KCNU1: variants seen among roughly 807,000 people sequenced by gnomAD.
KCNU1 encodes the protein potassium channel subfamily U member 1.
In KCNU1, 93 loss-of-function variants were observed where a neutral mutation model predicts 126.8. That is an observed-to-expected ratio of 0.73 (90% CI 0.62 to 0.87). The LOEUF (loss-of-function observed/expected upper bound fraction) is 0.87. Ranked by LOEUF, KCNU1 falls within the 40% of genes least tolerant of loss-of-function variation. The pLI, the probability that KCNU1 is intolerant of heterozygous loss-of-function variation, is 0.00. For missense variants in KCNU1, 1,330 were observed against 1,367.1 expected (o/e 0.97, Z 0.43); for synonymous variants, 523 against 494.2 (o/e 1.06, Z -0.77).
rs1323776502 is a variant in KCNU1 at position 36,879,207 on chromosome 8, GTGTGTA to G, written c.2009+14688_2009+14693del. ...CATATATGTATGTGTGTGTGTGTGT[GTGTGTA>G]TATATATATATATATATATATATAT... On this transcript the variant is annotated intron_variant, in intron 19 of 26. Coordinates refer to ENST00000399881, the MANE Select transcript of KCNU1 (RefSeq NM_001031836.3). 3.7e-4 allele frequency among the ~76,000 whole-genome samples: 20 copies of G among 53,878 alleles called. 1 individual carries two copies. Among genetic ancestry groups the G allele is most frequent in the African/African-American group, 1.2e-3 (20 of 16,148 alleles). 35.3% of individuals were successfully genotyped at this position (53,878 alleles called of 152,430 possible).
At chr8:36,925,193 CCA>C (rs1192480163) in intron 24 of KCNU1, among the ~76,000 whole-genome samples, 1 of 152,160 alleles carries the variant, frequency 6.6e-6, no homozygotes, top group Non-Finnish European at 1.5e-5. Flanking sequence ...AGAATAAAGG[CCA>C]CATAGTGTGA....
Position 36,936,006 on chromosome 8 carries a change from T to C in KCNU1, c.*86T>C. 7.8e-7 allele frequency: 1 copy of C among 1,280,988 alleles called. No homozygotes were observed. Among genetic ancestry groups the C allele is most frequent in the Non-Finnish European group, 1.1e-6 (1 of 933,560 alleles). 79.4% of individuals were successfully genotyped at this position (1,280,988 alleles called of 1,614,324 possible). A position where few individuals can be genotyped will look rare whatever the true frequency, so the allele number is the denominator to read the frequency against. On this transcript the variant is annotated 3_prime_UTR_variant, in exon 27 of 27. Coordinates refer to ENST00000399881, the MANE Select transcript of KCNU1 (RefSeq NM_001031836.3). ...TAACTTTGAACAAAGAAAATAAGAA[T>C]GGAAGCATGCCATTTTTCTGCCCAT... is the stretch of plus-strand genomic sequence containing the variant.
In KCNU1 at chr8:36,807,305, G is replaced by A. The variant is rs535836669; in HGVS notation, c.581-70G>A. 6.4e-4 allele frequency: 669 copies of A among 1,038,700 alleles called. 8 individuals carry two copies. Among genetic ancestry groups the A allele is most frequent in the South Asian group, 5.9e-3 (462 of 78,308 alleles). The allele number at this position is 1,038,700 out of a possible 1,614,324, so 64.3% of individuals were successfully genotyped here. A position where few individuals can be genotyped will look rare whatever the true frequency, so the allele number is the denominator to read the frequency against. ...AAAGAATGTAAGTGATTCCAATGCT[G>A]TTATAACGTAGGCTCCCTCTGGAGT... On this transcript the variant is annotated intron_variant, in intron 5 of 26. Transcript: ENST00000399881.
In KCNU1 at chr8:36,845,859, A is replaced by G; in HGVS notation, c.1851A>G (p.Thr617=). ...HDDVFIPELI[T]NCGCKSRSRQ... is the part of the protein sequence containing the mutation. ...ATGTGTTCATTCCTGAGCTAATTAC[A>G]AACTGTGGCTGCAAAAGCAGAAGCC... Residue 617 remains threonine (T), a synonymous_variant, in exon 18 of 27, where the codon ACA becomes ACG. Coordinates refer to ENST00000399881, the MANE Select transcript of KCNU1 (RefSeq NM_001031836.3). 6.2e-7 allele frequency: 1 copy of G among 1,608,436 alleles called. No homozygotes were observed. Among genetic ancestry groups the G allele is most frequent in the Non-Finnish European group, 8.5e-7 (1 of 1,176,988 alleles).
chr8:36,864,177 C>CATATGAGTG (rs1222242525), intron 18 of KCNU1, among the ~76,000 whole-genome samples: 5 of 152,108 alleles, frequency 3.3e-5, no homozygotes. Flanking sequence ...TGAGTAGGTA[C>CATATGAGTG]TTATTTTAAA....
intron 10 of KCNU1, among the ~76,000 whole-genome samples, chr8:36,819,680 T>C (rs1252008803): frequency 6.6e-6 from 1 of 152,220 alleles, no homozygotes; most frequent in Non-Finnish European, 1.5e-5. Flanking sequence ...AGACAGTCCC[T>C]GTCCATTCTA....
intron 19 of KCNU1, among the ~76,000 whole-genome samples, chr8:36,892,767 A>C (rs1051051693): frequency 4.6e-5 from 7 of 152,070 alleles, no homozygotes; most frequent in Non-Finnish European, 8.8e-5. Context: ...ACACTTTAGC[A>C]GTTTACATCT....
intron 13 of KCNU1, among the ~76,000 whole-genome samples, chr8:36,836,570 C>T (rs182202030): frequency 6.6e-6 from 1 of 152,084 alleles, no homozygotes; most frequent in Non-Finnish European, 1.5e-5. Context: ...TTTTGCAACT[C>T]TAGCTATTTT....
chr8:36,900,608 G>T (rs753219203), intron 19 of KCNU1, among the ~76,000 whole-genome samples: 2 of 151,982 alleles, frequency 1.3e-5, no homozygotes, highest in Non-Finnish European at 2.9e-5. Flanking sequence ...GAAGTCATCA[G>T]AATTGACAAT....
At chr8:36,833,341 G>T (rs188853057) in intron 10 of KCNU1, among the ~76,000 whole-genome samples, 10 of 151,986 alleles carry the variant, frequency 6.6e-5, no homozygotes, top group Admixed American at 5.9e-4. Context: ...AAAATGTTAT[G>T]CCTGTTTCAG....
At chr8:36,810,763 G>T (rs1803681188) in intron 7 of KCNU1, among the ~76,000 whole-genome samples, 1 of 152,042 alleles carries the variant, frequency 6.6e-6, no homozygotes, top group Non-Finnish European at 1.5e-5. Flanking sequence ...GGAAAGCAGA[G>T]AAACATTAGC....
chr8:36,910,526 G>A (rs1047468776), intron 21 of KCNU1, among the ~76,000 whole-genome samples: 2 of 152,106 alleles, frequency 1.3e-5, no homozygotes, highest in African/African-American at 2.4e-5. Flanking sequence ...TATAAGTAGG[G>A]CCAGCTGTTT....
chr8:36,813,319 A>C (rs1803790145), intron 7 of KCNU1, among the ~76,000 whole-genome samples: 1 of 152,124 alleles, frequency 6.6e-6, no homozygotes. Flanking sequence ...GTTCTTAAAA[A>C]CAAAACAAAA....
intron 24 of KCNU1, among the ~76,000 whole-genome samples, chr8:36,924,063 C>A (rs1457986280): frequency 6.6e-6 from 1 of 152,168 alleles, no homozygotes; most frequent in Non-Finnish European, 1.5e-5. Flanking sequence ...TGAAGAGGAA[C>A]TTTTCTGCTT....
At chr8:36,931,318 C>T (rs1438316620) in intron 25 of KCNU1, among the ~76,000 whole-genome samples, 173 bp downstream of exon 25, 2 of 151,890 alleles carry the variant, frequency 1.3e-5, no homozygotes, top group African/African-American at 4.8e-5. Flanking sequence ...TTACAAATCA[C>T]AGTGTGTTAA....
At chr8:36,836,685 G>A in intron 13 of KCNU1, 108 bp from the exon 14 acceptor site, 1 of 964,584 alleles carries the variant, frequency 1.0e-6, no homozygotes, top group Non-Finnish European at 1.6e-6. Context: ...CAAAAATGAA[G>A]AATATATGAT....
intron 24 of KCNU1, among the ~76,000 whole-genome samples, chr8:36,924,394 C>A (rs564299898): frequency 6.6e-6 from 1 of 152,150 alleles, no homozygotes; most frequent in African/African-American, 2.4e-5. Context: ...TAAGGGAGCA[C>A]GGCTGGGCAT....
chr8:36,858,187 A>C (rs567560551), intron 18 of KCNU1, among the ~76,000 whole-genome samples: 117 of 151,660 alleles, frequency 7.7e-4, no homozygotes, highest in Non-Finnish European at 1.4e-3. Flanking sequence ...AAAAAAAAAA[A>C]AAAAAAAAAA....
intron 2 of KCNU1, among the ~76,000 whole-genome samples, chr8:36,797,544 G>A (rs1803145416): frequency 6.6e-6 from 1 of 151,488 alleles, no homozygotes; most frequent in Admixed American, 6.6e-5. Flanking sequence ...TCGCTTTAAA[G>A]TTTAAAATTA....
Sources: gnomAD v4.1 joint callset for allele counts (sites outside exome capture counted in the v4.1 genomes callset) on GRCh38, gnomAD v4.1.1 for gene constraint, MANE v1.5 for transcripts, NCBI Gene and HGNC (gene_info 2026-07-23, HGNC 2026-07-21) for gene names.